The following SDK1 variants were observed in gnomAD, a reference collection of about 807,000 sequenced individuals.
SDK1 encodes the protein protein sidekick-1.
SDK1 carries 157 observed loss-of-function variants against 245.5 expected under a neutral mutation model. The observed-to-expected ratio is 0.64, with a 90% CI of 0.56 to 0.73. The LOEUF (loss-of-function observed/expected upper bound fraction) is 0.73, where lower values mean the gene tolerates loss of function less well. Ranked by LOEUF, SDK1 falls within the 30% of genes least tolerant of loss-of-function variation. The pLI is 0.00. For synonymous variants in SDK1, 1,647 were observed against 1,278.5 expected (o/e 1.29, Z -6.15); for missense variants, 3,583 against 3,002.3 (o/e 1.19, Z -4.52).
At chr7:3,404,466 G>A (rs1779000051) in intron 1 of SDK1, among the ~76,000 whole-genome samples, 2 of 152,184 alleles carry the variant, frequency 1.3e-5, no homozygotes, top group Non-Finnish European at 2.9e-5. Flanking sequence ...AGAATCTGCA[G>A]TATTATTATT....
intron 1 of SDK1, among the ~76,000 whole-genome samples, chr7:3,326,344 T>G (rs1779940381): frequency 6.6e-6 from 1 of 152,178 alleles, no homozygotes; most frequent in Admixed American, 6.5e-5. Flanking sequence ...ACTTGCCAGT[T>G]TTCAAATCTG....
intron 1 of SDK1, among the ~76,000 whole-genome samples, chr7:3,447,380 G>A (rs938941620): frequency 1.3e-5 from 2 of 152,030 alleles, no homozygotes; most frequent in Non-Finnish European, 2.9e-5. Flanking sequence ...ATTGTAGGGT[G>A]TATCTCTTCA....
chr7:3,915,296 C>A (rs940472778), intron 5 of SDK1, among the ~76,000 whole-genome samples: 2 of 152,140 alleles, frequency 1.3e-5, no homozygotes, highest in African/African-American at 4.8e-5. Flanking sequence ...GTAGGAGACC[C>A]CTGAAGAGCA....
chr7:4,035,846 G>A (rs2128160197), intron 17 of SDK1, among the ~76,000 whole-genome samples: 1 of 152,160 alleles, frequency 6.6e-6, no homozygotes, highest in Non-Finnish European at 1.5e-5. Context: ...AAAACTCTTA[G>A]GCCAACTTGA....
intron 15 of SDK1, 89 bp downstream of exon 15, chr7:4,011,202 C>G: frequency 8.8e-6 from 13 of 1,470,950 alleles, no homozygotes; most frequent in Admixed American, 2.0e-5. Flanking sequence ...TGGAATTGAT[C>G]ACAGCAACCC....
At chr7:4,006,671 C>G (rs1197726972) in intron 14 of SDK1, among the ~76,000 whole-genome samples, 1 of 152,208 alleles carries the variant, frequency 6.6e-6, no homozygotes, top group Non-Finnish European at 1.5e-5. Context: ...ACTTTAATCT[C>G]TCTTCCAGCC....
chr7:3,715,881 G>T (rs111530417), intron 4 of SDK1, among the ~76,000 whole-genome samples: 1 of 152,156 alleles, frequency 6.6e-6, no homozygotes, highest in African/African-American at 2.4e-5. Context: ...ATAAAAGGGC[G>T]TCAGCAGCAA....
At chr7:3,683,195 G>A (rs2114986381) in intron 4 of SDK1, among the ~76,000 whole-genome samples, 1 of 152,220 alleles carries the variant, frequency 6.6e-6, no homozygotes, top group Middle Eastern at 3.4e-3. Context: ...TTTTCCACAG[G>A]TAAGCTACAT....
intron 5 of SDK1, among the ~76,000 whole-genome samples, chr7:3,902,146 C>A (rs983165016): frequency 8.5e-5 from 13 of 152,128 alleles, no homozygotes; most frequent in African/African-American, 3.1e-4. Context: ...GTGCTTATTA[C>A]TTCCTTGGTG....
chr7:3,324,331 A>G (rs942169130), intron 1 of SDK1, among the ~76,000 whole-genome samples: 8 of 152,220 alleles, frequency 5.3e-5, no homozygotes, highest in African/African-American at 1.9e-4. Context: ...TGTAATTAAT[A>G]CCCAAATCAA....
At chr7:4,105,230 G>A (rs1372143182) in intron 22 of SDK1, among the ~76,000 whole-genome samples, 1 of 151,990 alleles carries the variant, frequency 6.6e-6, no homozygotes, top group Non-Finnish European at 1.5e-5. Context: ...TGATCCACTT[G>A]CCTTGGTCTC....
Position 3,427,492 on chromosome 7 carries a change from C to G in SDK1, c.298+125608C>G, listed in dbSNP as rs1452253708. Among the ~76,000 whole-genome samples the G allele has an allele frequency of 2.0e-5, 3 of 146,438 alleles. No individual in the cohort carries two copies. In the Admixed American group the frequency reaches 2.1e-4, roughly 10 times the overall value. ...TGAGATTGTGCCATTGGACTGCAGC[C>G]TGGGTGAGAAGAGCGAAGCTCCATC... On this transcript the variant is annotated intron_variant, in intron 1 of 44. Coordinates refer to ENST00000404826, the MANE Select transcript of SDK1 (RefSeq NM_152744.4).
At chr7:3,618,152 T>G (rs2128644396) in intron 1 of SDK1, among the ~76,000 whole-genome samples, 1 of 152,180 alleles carries the variant, frequency 6.6e-6, no homozygotes, top group Non-Finnish European at 1.5e-5. Context: ...GCATCCATAT[T>G]AAAAAATGTT....
intron 4 of SDK1, among the ~76,000 whole-genome samples, chr7:3,686,747 G>A (rs996404887): frequency 6.6e-6 from 1 of 152,322 alleles, no homozygotes; most frequent in East Asian, 1.9e-4. Flanking sequence ...ATGGGATCAG[G>A]TAATGGCAGG....
At chr7:4,236,941 C>T (rs1786204071) in intron 41 of SDK1, among the ~76,000 whole-genome samples, 1 of 152,138 alleles carries the variant, frequency 6.6e-6, no homozygotes, top group Admixed American at 6.5e-5. Flanking sequence ...GGGTCTTGTT[C>T]TGTCACCCAG....
chr7:3,354,662 T>C lies in SDK1; in HGVS notation c.298+52778T>C, dbSNP rs186866554. Among the ~76,000 whole-genome samples the C allele has an allele frequency of 2.4e-3, 361 of 152,334 alleles. 1 individual carries two copies. The highest frequency in any genetic ancestry group is 5.2e-3 in the Admixed American group (80 of 15,310). On this transcript the variant is annotated intron_variant, in intron 1 of 44. Coordinates refer to ENST00000404826, the MANE Select transcript of SDK1 (RefSeq NM_152744.4). ...ATTAAATCACAGAAGTTAATTGTGTTTCATTGGGAATTAATATTGACTTTA... is the reference window on the plus strand; with the variant it reads ...ATTAAATCACAGAAGTTAATTGTGTCTCATTGGGAATTAATATTGACTTTA...
intron 22 of SDK1, among the ~76,000 whole-genome samples, chr7:4,094,463 T>C (rs1332121902): frequency 1.3e-5 from 2 of 152,182 alleles, no homozygotes; most frequent in Non-Finnish European, 2.9e-5. Context: ...CCAATCCCCA[T>C]GTGCTGACAT....
intron 4 of SDK1, among the ~76,000 whole-genome samples, chr7:3,724,517 C>T (rs529685929): frequency 1.4e-4 from 21 of 152,164 alleles, no homozygotes; most frequent in African/African-American, 5.1e-4. Context: ...AAGAGAGAAA[C>T]AGAAAACTGT....
intron 1 of SDK1, among the ~76,000 whole-genome samples, chr7:3,446,292 C>A (rs1479644974): frequency 6.6e-6 from 1 of 152,144 alleles, no homozygotes; most frequent in African/African-American, 2.4e-5. Flanking sequence ...ATCTGAAACT[C>A]ATGCAAGTAC....
Sources: allele counts gnomAD v4.1 joint callset (sites outside exome capture counted in the v4.1 genomes callset), GRCh38; gene constraint gnomAD v4.1.1; transcripts MANE v1.5; gene names NCBI Gene and HGNC (gene_info 2026-07-23, HGNC 2026-07-21).